Variants in TMTC2 observed in about 807,000 individuals in gnomAD.
TMTC2 encodes transmembrane O-mannosyltransferase targeting cadherins 2.
TMTC2 carries 43 observed loss-of-function variants against 82.4 expected under a neutral mutation model. That is an observed-to-expected ratio of 0.52 (90% CI 0.41 to 0.67). The LOEUF (loss-of-function observed/expected upper bound fraction) is 0.67. Among genes scored for constraint, TMTC2 ranks in the 30% least tolerant of loss-of-function variants. The probability of loss-of-function intolerance (pLI) is 0.00; values close to 1 mark genes in which losing one functional copy is unlikely to be tolerated. For synonymous variants in TMTC2, 408 were observed against 381.9 expected, an observed-to-expected ratio of 1.07 and a Z score of -0.80; for missense variants, 919 against 1,012.4, an observed-to-expected ratio of 0.91 and a Z score of 1.25.
Position 83,132,215 on chromosome 12 carries a change from G to C in TMTC2, c.2337G>C (p.Pro779=). 2 of 1,604,932 alleles carry C rather than the reference G, an allele frequency of 1.2e-6. No individual in the cohort carries two copies. Among genetic ancestry groups the C allele is most frequent in the Non-Finnish European group, 1.7e-6 (2 of 1,176,694 alleles). Residue 779 remains proline, a synonymous_variant, in exon 12 of 12, where the codon CCG becomes CCC. Coordinates refer to ENST00000321196, the MANE Select transcript of TMTC2 (RefSeq NM_152588.3). The stretch of plus-strand genomic sequence containing the variant: ...CCTTCTTTCTCTTGTTGCAGTATCC[G>C]GCTGCTTTGATGAACCTGGGAGCCA... ...DLAARLRPNY[P]AALMNLGAIL... is the part of the protein sequence containing the mutation.
At chr12:83,057,012 G>A (rs1882569059) in intron 10 of TMTC2, among the ~76,000 whole-genome samples, 1 of 151,780 alleles carries the variant, frequency 6.6e-6, no homozygotes, top group African/African-American at 2.4e-5. Context: ...ACCACTTCAG[G>A]CAAGTTCTAT....
intron 11 of TMTC2, among the ~76,000 whole-genome samples, chr12:83,093,113 G>A (rs76095255): frequency 0.019 from 2,882 of 152,124 alleles, 85 homozygotes; most frequent in African/African-American, 0.065. Flanking sequence ...GCATGCACAT[G>A]TATGTGCATG....
intron 11 of TMTC2, among the ~76,000 whole-genome samples, chr12:83,068,400 T>C (rs1037907220): frequency 4.6e-5 from 7 of 152,118 alleles, no homozygotes; most frequent in African/African-American, 9.7e-5. Flanking sequence ...TTTTAACATA[T>C]AAAGGATTAT....
intron 11 of TMTC2, among the ~76,000 whole-genome samples, chr12:83,073,252 A>G (rs1408860964): frequency 6.6e-6 from 1 of 152,134 alleles, no homozygotes; most frequent in Non-Finnish European, 1.5e-5. Context: ...GTTTTGCTGG[A>G]TACAAAATTC....
At chr12:82,713,208 C>A (rs1414230343) in intron 1 of TMTC2, among the ~76,000 whole-genome samples, 4 of 151,988 alleles carry the variant, frequency 2.6e-5, no homozygotes. Flanking sequence ...GTAATCCCAG[C>A]TACTTGGGAG....
intron 7 of TMTC2, among the ~76,000 whole-genome samples, chr12:82,969,882 A>G (rs1878373837): frequency 1.6e-5 from 1 of 63,142 alleles, no homozygotes; most frequent in Non-Finnish European, 4.8e-5. Context: ...TACATAAAAA[A>G]CATAAACAGA....
At chr12:82,828,839 T>C (rs1477925241) in intron 1 of TMTC2, among the ~76,000 whole-genome samples, 1 of 152,070 alleles carries the variant, frequency 6.6e-6, no homozygotes, top group Non-Finnish European at 1.5e-5. Context: ...CAGGAACTAA[T>C]TATTTTCAGG....
intron 1 of TMTC2, among the ~76,000 whole-genome samples, chr12:82,765,610 G>C (rs1319623276): frequency 6.6e-6 from 1 of 152,040 alleles, no homozygotes; most frequent in Non-Finnish European, 1.5e-5. Flanking sequence ...GAAGGCAGAG[G>C]TTGAGGTGAA....
At chr12:82,989,212 C>G (rs887222518) in intron 8 of TMTC2, among the ~76,000 whole-genome samples, 2 of 150,634 alleles carry the variant, frequency 1.3e-5, no homozygotes, top group African/African-American at 4.9e-5. Flanking sequence ...TATATGCAAA[C>G]AAAAAATGAG....
At chr12:82,761,844 A>G (rs1202503079) in intron 1 of TMTC2, among the ~76,000 whole-genome samples, 1 of 151,068 alleles carries the variant, frequency 6.6e-6, no homozygotes, top group Admixed American at 6.6e-5. Flanking sequence ...GCTACTCTGG[A>G]AAATATTCAT....
intron 4 of TMTC2, among the ~76,000 whole-genome samples, chr12:82,961,060 C>G (rs549980627): frequency 2.5e-4 from 38 of 151,848 alleles, no homozygotes; most frequent in African/African-American, 9.2e-4. Flanking sequence ...CTTAACTTTT[C>G]TTGCCCAAGG....
At chr12:82,689,836 T>C (rs1215155228) in intron 1 of TMTC2, among the ~76,000 whole-genome samples, 1 of 152,202 alleles carries the variant, frequency 6.6e-6, no homozygotes, top group Non-Finnish European at 1.5e-5. Flanking sequence ...ATTTTATTGA[T>C]AGCATGCTCA....
chr12:83,019,229 C>A (rs1056902270), intron 8 of TMTC2, among the ~76,000 whole-genome samples: 29 of 151,928 alleles, frequency 1.9e-4, no homozygotes, highest in Non-Finnish European at 1.5e-4. Context: ...TTTTTAAAAA[C>A]CCTCATTGTG....
chr12:82,913,057 T>G (rs1874786586), intron 3 of TMTC2, among the ~76,000 whole-genome samples: 1 of 152,190 alleles, frequency 6.6e-6, no homozygotes, highest in African/African-American at 2.4e-5. Context: ...ATATTACGAT[T>G]ACTGTACAAA....
At chr12:82,808,097 CTG>C (rs1016665139) in intron 1 of TMTC2, among the ~76,000 whole-genome samples, 13 of 151,748 alleles carry the variant, frequency 8.6e-5, no homozygotes, top group African/African-American at 2.7e-4. Context: ...CTTAAAAAAA[CTG>C]TTTAAAAAAC....
chr12:82,692,720 G>C (rs964993557), intron 1 of TMTC2, among the ~76,000 whole-genome samples: 3 of 152,196 alleles, frequency 2.0e-5, no homozygotes, highest in African/African-American at 7.2e-5. Flanking sequence ...CTTCACAAAA[G>C]TGACAAGTGT....
chr12:82,949,506 C>T (rs1877232752), intron 4 of TMTC2, among the ~76,000 whole-genome samples: 1 of 152,112 alleles, frequency 6.6e-6, no homozygotes, highest in South Asian at 2.1e-4. Context: ...AATTATCTGG[C>T]AACCTTGTAC....
intron 11 of TMTC2, among the ~76,000 whole-genome samples, chr12:83,100,217 G>A (rs1884171804): frequency 6.6e-6 from 1 of 152,028 alleles, no homozygotes; most frequent in African/African-American, 2.4e-5. Flanking sequence ...ATCACTCCGG[G>A]CCTTCTCGGA....
chr12:82,772,877 G>C (rs1877381968), intron 1 of TMTC2, among the ~76,000 whole-genome samples: 1 of 152,182 alleles, frequency 6.6e-6, no homozygotes, highest in African/African-American at 2.4e-5. Context: ...TGGGAAAGTA[G>C]TGTCGGAGTG....
Sources: gnomAD v4.1 joint callset for allele counts (sites outside exome capture counted in the v4.1 genomes callset) on GRCh38, gnomAD v4.1.1 for gene constraint, MANE v1.5 for transcripts, NCBI Gene and HGNC (gene_info 2026-07-23, HGNC 2026-07-21) for gene names.